Variants in CCDC171 observed in about 807,000 individuals in gnomAD.
The protein encoded by CCDC171 is coiled-coil domain-containing protein 171.
A neutral mutation model predicts 168.2 loss-of-function variants in CCDC171; 177 were observed. The observed-to-expected ratio is 1.05, with a 90% CI of 0.93 to 1.19. CCDC171 has a LOEUF of 1.19. Ranked by LOEUF, CCDC171 falls within the 50% of genes most tolerant of loss-of-function variation. CCDC171 has a pLI of 0.00. For missense variants in CCDC171, 1,991 were observed against 1,539.0 expected, an observed-to-expected ratio of 1.29 and a Z score of -4.91; for synonymous variants, 687 against 540.8, an observed-to-expected ratio of 1.27 and a Z score of -3.75.
At chr9:16,077,853 A>G in the CCDC171 span, among the ~76,000 whole-genome samples, 1 of 152,222 alleles carries the variant, frequency 6.6e-6, no homozygotes, top group Non-Finnish European at 1.5e-5. Flanking sequence ...GTTGATGCCT[A>G]AGAAGTGGAG....
intron 7 of CCDC171, among the ~76,000 whole-genome samples, chr9:15,639,643 C>A (rs572166685): frequency 6.6e-6 from 1 of 152,010 alleles, no homozygotes; most frequent in Non-Finnish European, 1.5e-5. Context: ...CTCATATATC[C>A]CTTCTGAAAC....
At chr9:16,082,731 A>G in the CCDC171 span, among the ~76,000 whole-genome samples, 1 of 152,376 alleles carries the variant, frequency 6.6e-6, no homozygotes, top group East Asian at 1.9e-4. Flanking sequence ...ATGTGGTAAC[A>G]TAGAATGGAC....
chr9:16,053,296 G>A (rs116493377), intron 1 of CCDC171, among the ~76,000 whole-genome samples: 4 of 152,340 alleles, frequency 2.6e-5, no homozygotes, highest in Admixed American at 2.0e-4. Context: ...CTTGGGCAGC[G>A]CCCAGCACTG....
At chr9:15,747,599 C>A (rs780529895) in intron 18 of CCDC171, among the ~76,000 whole-genome samples, 3 of 152,190 alleles carry the variant, frequency 2.0e-5, no homozygotes, top group Non-Finnish European at 2.9e-5. Context: ...CTGGTGATAC[C>A]TAGGCACACA....
At chr9:16,029,128 G>A (rs1328277) in intron 6 of CCDC171, among the ~76,000 whole-genome samples, 2,469 of 152,054 alleles carry the variant, frequency 0.016, 77 homozygotes, top group South Asian at 0.11. Flanking sequence ...GGAATAGGAA[G>A]TAGTGAGGGC....
chr9:15,666,718 G>T (rs1317913303), intron 9 of CCDC171, among the ~76,000 whole-genome samples: 1 of 152,078 alleles, frequency 6.6e-6, no homozygotes, highest in East Asian at 1.9e-4. Context: ...CCAGCTACTC[G>T]AGAGGCTGAG....
intron 23 of CCDC171, among the ~76,000 whole-genome samples, chr9:15,870,065 A>G (rs770202): frequency 0.79 from 120,376 of 151,674 alleles, 48,327 homozygotes; most frequent in East Asian, 0.89. Context: ...TGTAACAGGA[A>G]AGCAGCCATG....
intron 4 of CCDC171, among the ~76,000 whole-genome samples, chr9:15,583,154 C>T (rs1013646321): frequency 1.3e-5 from 2 of 152,088 alleles, no homozygotes; most frequent in African/African-American, 2.4e-5. Context: ...CGGTGGCTCA[C>T]GCCTGTAATC....
intron 16 of CCDC171, among the ~76,000 whole-genome samples, chr9:15,733,814 GC>G (rs992741756): frequency 1.3e-5 from 2 of 152,030 alleles, no homozygotes; most frequent in African/African-American, 4.8e-5. Flanking sequence ...TGTTGCCCTG[GC>G]TTGAGTATGG....
intron 7 of CCDC171, among the ~76,000 whole-genome samples, chr9:15,645,496 T>G (rs911810728): frequency 2.6e-5 from 4 of 152,014 alleles, no homozygotes; most frequent in African/African-American, 4.8e-5. Context: ...CTAAAAATGT[T>G]GAAAAAAGGT....
At chr9:15,756,270 C>T (rs2056108445) in intron 18 of CCDC171, among the ~76,000 whole-genome samples, 1 of 151,706 alleles carries the variant, frequency 6.6e-6, no homozygotes, top group South Asian at 2.1e-4. Context: ...GAAAACTGGT[C>T]AATTCAGAAA....
chr9:15,793,810 G>T (rs901614458), intron 21 of CCDC171, among the ~76,000 whole-genome samples: 4 of 151,932 alleles, frequency 2.6e-5, no homozygotes, highest in Non-Finnish European at 5.9e-5. Context: ...GCCTCCCAAA[G>T]TGCTGGGATT....
intron 24 of CCDC171, chr9:15,886,805 T>C (rs1207316315): frequency 6.6e-6 from 1 of 151,412 alleles, no homozygotes; most frequent in African/African-American, 2.4e-5. Context: ...AATTCAGCTT[T>C]AAAAAATAAA....
chr9:15,810,695 G>C (rs976372558), intron 21 of CCDC171, among the ~76,000 whole-genome samples: 1 of 152,188 alleles, frequency 6.6e-6, no homozygotes, highest in Non-Finnish European at 1.5e-5. Context: ...TGGCTGCTCC[G>C]AGTGCGGGGC....
intron 25 of CCDC171, among the ~76,000 whole-genome samples, chr9:15,946,042 T>G (rs575835466): frequency 7.9e-5 from 12 of 151,936 alleles, no homozygotes; most frequent in Non-Finnish European, 1.6e-4. Flanking sequence ...TAATCCATCT[T>G]GAATTGATTT....
chr9:16,056,972 GT>G (rs948322749), intron 1 of CCDC171, among the ~76,000 whole-genome samples: 3 of 152,172 alleles, frequency 2.0e-5, no homozygotes, highest in Admixed American at 6.5e-5. Flanking sequence ...AAGTATTGGA[GT>G]TTTTATTTAA....
chr9:15,852,123 A>G (rs1359388854), intron 23 of CCDC171, among the ~76,000 whole-genome samples: 2 of 151,792 alleles, frequency 1.3e-5, no homozygotes, highest in Non-Finnish European at 2.9e-5. Flanking sequence ...GCTGGATCAA[A>G]TAATAATACC....
rs1389568604 is a variant in CCDC171, at chr9:15,948,776, T to G, written c.3754-22833T>G. Among the ~76,000 whole-genome samples the G allele has an allele frequency of 4.6e-5, 7 of 151,678 alleles. No individual in the cohort carries two copies. The East Asian group carries it at 1.4e-3, about 30-fold the overall frequency. On this transcript the variant is annotated intron_variant, in intron 25 of 25. Transcript: ENST00000380701. ...ATTTTCTCCCATTTTGTGGGTTGCC[T>G]GTTCACTCTGATGGTAGTTTCTTTT...
At chr9:16,002,239 C>G (rs957237951) in intron 3 of CCDC171, among the ~76,000 whole-genome samples, 1 of 143,228 alleles carries the variant, frequency 7.0e-6, no homozygotes, top group African/African-American at 2.6e-5. Flanking sequence ...TTCAGGAGGT[C>G]TTGCAGAAGA....
Sources: allele counts gnomAD v4.1 joint callset (sites outside exome capture counted in the v4.1 genomes callset), GRCh38; gene constraint gnomAD v4.1.1; transcripts MANE v1.5; gene names NCBI Gene and HGNC (gene_info 2026-07-23, HGNC 2026-07-21).